The following NDUFS1 variants were observed in gnomAD, a reference collection of about 807,000 sequenced individuals.
NDUFS1 encodes the protein NADH:ubiquinone oxidoreductase core subunit S1, also known as NADH-ubiquinone oxidoreductase 75 kDa subunit, mitochondrial.
NDUFS1 carries 61 observed loss-of-function variants against 84.4 expected under a neutral mutation model. The ratio of observed to expected loss-of-function variants is 0.72; its 90% CI spans 0.59 to 0.89. The LOEUF (loss-of-function observed/expected upper bound fraction) is 0.89, where lower values mean the gene tolerates loss of function less well. NDUFS1 is among the 40% of genes least tolerant of loss of function. The pLI, the probability that NDUFS1 is intolerant of heterozygous loss-of-function variation, is 0.00. For missense variants in NDUFS1, 891 were observed against 890.0 expected, an observed-to-expected ratio of 1.00 and a Z score of -0.01; for synonymous variants, 275 against 290.0, an observed-to-expected ratio of 0.95 and a Z score of 0.53.
At position 206,133,056 on chromosome 2, in the gene NDUFS1, A is replaced by C. The variant is rs1283647002; in HGVS notation, c.1442T>G (p.Leu481Arg). ...AATTGCTGCTCCATCATTTCTTTGG[A>C]GTGCAGAACTGCCTAAAACCACCAT... ...KPMVVLGSSA[L>R]QRNDGAAILA... Residue 481 changes from leucine (L) to arginine (R), a missense_variant, in exon 14 of 19, where the codon CTC (leucine) becomes CGC (arginine). Coordinates refer to ENST00000233190, the MANE Select transcript of NDUFS1 (RefSeq NM_005006.7). 6.2e-7 allele frequency: 1 copy of C among 1,613,068 alleles called. No homozygotes were observed. Among genetic ancestry groups the C allele is most frequent in the East Asian group, 2.2e-5 (1 of 44,748 alleles).
chr2:206,139,765 C>A (rs1691862216), intron 12 of NDUFS1, among the ~76,000 whole-genome samples: 1 of 149,770 alleles, frequency 6.7e-6, no homozygotes, highest in Non-Finnish European at 1.5e-5. Context: ...CCCTCTTTCA[C>A]TCCCGTAGTT....
At position 206,115,837 on chromosome 2, in the gene NDUFS1, A is replaced by C. The variant is rs1453611164; in HGVS notation, c.*8348T>G. ...TTTGAATTATGTAATTTTTGTAACTAATTTTTACCATGGATAATTTCATGG... is the reference window on the plus strand; with the variant it reads ...TTTGAATTATGTAATTTTTGTAACTCATTTTTACCATGGATAATTTCATGG... On this transcript the variant is annotated 3_prime_UTR_variant, in exon 19 of 19. Coordinates refer to ENST00000233190, the MANE Select transcript of NDUFS1 (RefSeq NM_005006.7). 4 of 453,688 alleles carry C rather than the reference A, an allele frequency of 8.8e-6. No homozygotes were observed. The highest frequency in any genetic ancestry group is 1.6e-5 in the Non-Finnish European group (4 of 246,654). The allele number at this position is 453,688 out of a possible 1,614,324, so 28.1% of individuals were successfully genotyped here. A position where few individuals can be genotyped will look rare whatever the true frequency, so the allele number is the denominator to read the frequency against.
chr2:206,142,587 C>G (rs1692003885), intron 11 of NDUFS1, 99 bp downstream of exon 11: 2 of 1,439,544 alleles, frequency 1.4e-6, no homozygotes, highest in South Asian at 2.4e-5. Flanking sequence ...TGAAAATAAA[C>G]TGGGGGATAT....
chr2:206,139,872 A>T (rs1030154342), intron 12 of NDUFS1, among the ~76,000 whole-genome samples: 2 of 36,658 alleles, frequency 5.5e-5, no homozygotes, highest in South Asian at 5.1e-4. Context: ...TTGTGTTCTT[A>T]AAAAAAAAAA....
intron 5 of NDUFS1, among the ~76,000 whole-genome samples, chr2:206,148,752 G>A (rs1418283960): frequency 6.6e-6 from 1 of 152,146 alleles, no homozygotes; most frequent in Non-Finnish European, 1.5e-5. Flanking sequence ...TATAGTAGTA[G>A]CTTAGTAAGT....
chr2:206,124,822 G>A (rs1000613734), intron 18 of NDUFS1, among the ~76,000 whole-genome samples: 1 of 152,050 alleles, frequency 6.6e-6, no homozygotes, highest in Non-Finnish European at 1.5e-5. Context: ...CTGGGCGACA[G>A]AGCAAGACTC....
chr2:206,148,592 C>T (rs933313497), intron 5 of NDUFS1, among the ~76,000 whole-genome samples: 1 of 152,072 alleles, frequency 6.6e-6, no homozygotes, highest in African/African-American at 2.4e-5. Context: ...AGTTCAAGCC[C>T]AGCCTGGACA....
intron 12 of NDUFS1, among the ~76,000 whole-genome samples, chr2:206,141,447 G>A (rs1488641091): frequency 6.6e-6 from 1 of 152,002 alleles, no homozygotes; most frequent in Admixed American, 6.6e-5. Context: ...CAGGAGAATG[G>A]CGTGAACCCG....
intron 1 of NDUFS1, among the ~76,000 whole-genome samples, chr2:206,158,177 T>C (rs1039865841): frequency 6.6e-6 from 1 of 152,074 alleles, no homozygotes; most frequent in African/African-American, 2.4e-5. Context: ...TTAGCCAGGA[T>C]GGTCTCGATC....
At position 206,147,819 on chromosome 2, in the gene NDUFS1, C is replaced by A. The variant is rs749299325; in HGVS notation, c.354G>T (p.Glu118Asp). ...CCAATGGGTGATTTGCTAATAAGAA[C>A]TCCATCACACCTTCCCTGTATGAAA... Reference protein sequence around the residue: ...KSKKAREGVMEFLLANHPLDC... With the variant: ...KSKKAREGVMDFLLANHPLDC... Residue 118 changes from glutamate to aspartate, a missense_variant, in exon 6 of 19, where the codon GAG (glutamate) becomes GAT (aspartate). Physicochemically the swap from Glu to Asp is conservative, Grantham distance 45. Transcript: ENST00000233190. The A allele has an allele frequency of 6.2e-7, 1 of 1,613,862 alleles. No homozygotes were observed. The highest frequency in any genetic ancestry group is 1.1e-5 in the South Asian group (1 of 91,080).
At position 206,116,305 on chromosome 2, in the gene NDUFS1, A is replaced by G. The variant is rs1312174582; in HGVS notation, c.*7880T>C. On this transcript the variant is annotated 3_prime_UTR_variant, in exon 19 of 19. Transcript: ENST00000233190. The stretch of plus-strand genomic sequence containing the variant: ...CTGATAAAGGAGAATAGAGTTCACT[A>G]GCAGCTTTCACACTCTCCAAAGCAC... The G allele has an allele frequency of 3.3e-6, 3 of 917,110 alleles. No homozygotes were observed. The highest frequency in any genetic ancestry group is 1.6e-5 in the African/African-American group (1 of 61,704). 56.8% of individuals were successfully genotyped at this position (917,110 alleles called of 1,614,324 possible). A position where few individuals can be genotyped will look rare whatever the true frequency, so the allele number is the denominator to read the frequency against.
chr2:206,134,119 G>A (rs1691618211), intron 13 of NDUFS1, among the ~76,000 whole-genome samples: 1 of 151,672 alleles, frequency 6.6e-6, no homozygotes, highest in Non-Finnish European at 1.5e-5. Flanking sequence ...TTATAAAGAG[G>A]AATACATTAA....
intron 13 of NDUFS1, among the ~76,000 whole-genome samples, chr2:206,135,516 T>TA (rs1361751760): frequency 6.6e-6 from 1 of 151,310 alleles, no homozygotes; most frequent in African/African-American, 2.4e-5. Context: ...CTACTAAAAA[T>TA]AAAAAAATTA....
rs1270831149 is a variant in NDUFS1, at chr2:206,115,721, T to C, written c.*8464A>G. On this transcript the variant is annotated 3_prime_UTR_variant, in exon 19 of 19. Coordinates refer to ENST00000233190, the MANE Select transcript of NDUFS1 (RefSeq NM_005006.7). ...CTTCTTCACTCCCAGTTATTTCCAA[T>C]GGAAAGATCATTAAGTATTTCATCC... is the stretch of plus-strand genomic sequence containing the variant. The C allele has an allele frequency of 4.9e-6, 2 of 406,476 alleles. No homozygotes were observed. Among genetic ancestry groups the C allele is most frequent in the South Asian group, 1.9e-5 (1 of 52,784 alleles). The allele number at this position is 406,476 out of a possible 1,614,324, so 25.2% of individuals were successfully genotyped here. A position where few individuals can be genotyped will look rare whatever the true frequency, so the allele number is the denominator to read the frequency against.
At chr2:206,128,093 T>A in intron 15 of NDUFS1, 121 bp from the exon 16 acceptor site, 1 of 1,109,052 alleles carries the variant, frequency 9.0e-7, no homozygotes, top group Non-Finnish European at 1.3e-6. Context: ...TTTTTAAAAC[T>A]AAAATGAAAC....
intron 1 of NDUFS1, among the ~76,000 whole-genome samples, chr2:206,158,242 G>A (rs970550363): frequency 7.2e-5 from 11 of 152,168 alleles, no homozygotes. Context: ...GATTACAGGA[G>A]TGAGCCACCG....
chr2:206,116,547 G>A lies in NDUFS1; in HGVS notation c.*7638C>T. On this transcript the variant is annotated 3_prime_UTR_variant, in exon 19 of 19. Transcript: ENST00000233190. ...GCAGCGCTACGCCTCAGCCACTCGC[G>A]CGGGGAGGCGGGGCGGTGTGGGCAG... 2.7e-6 allele frequency: 2 copies of A among 732,084 alleles called. No homozygotes were observed. Among genetic ancestry groups the A allele is most frequent in the South Asian group, 1.6e-5 (1 of 61,978 alleles). 45.3% of individuals were successfully genotyped at this position (732,084 alleles called of 1,614,324 possible).
At chr2:206,125,174 T>C (rs983892529) in intron 18 of NDUFS1, among the ~76,000 whole-genome samples, 2 of 151,850 alleles carry the variant, frequency 1.3e-5, no homozygotes, top group African/African-American at 4.8e-5. Flanking sequence ...CACTAAAAAA[T>C]ATATAGGCCA....
rs1691028784 is a variant in NDUFS1, at chr2:206,119,124, A to G, written c.*5061T>C. ...GAAACAAAAAGGAATGCACTTCTTA[A>G]TAAGCTGGAGATTATTTTAGGCATG... On this transcript the variant is annotated 3_prime_UTR_variant, in exon 19 of 19. Transcript: ENST00000233190. The G allele has an allele frequency of 6.6e-6, 1 of 152,204 alleles. No individual in the cohort carries two copies. Among genetic ancestry groups the G allele is most frequent in the Non-Finnish European group, 1.5e-5 (1 of 68,038 alleles). 9.4% of individuals were successfully genotyped at this position (152,204 alleles called of 1,614,324 possible). A position where few individuals can be genotyped will look rare whatever the true frequency, so the allele number is the denominator to read the frequency against.
Sources: allele counts gnomAD v4.1 joint callset (sites outside exome capture counted in the v4.1 genomes callset), GRCh38; gene constraint gnomAD v4.1.1; transcripts MANE v1.5; gene names NCBI Gene and HGNC (gene_info 2026-07-23, HGNC 2026-07-21).